The following HSD17B12 variants were observed in gnomAD, a reference collection of about 807,000 sequenced individuals.
The protein encoded by HSD17B12 is hydroxysteroid 17-beta dehydrogenase 12.
In HSD17B12, 32 loss-of-function variants were observed where a neutral mutation model predicts 39.3. The observed-to-expected ratio is 0.81, with a 90% CI of 0.61 to 1.09. HSD17B12 has a LOEUF of 1.09. Among genes scored for constraint, HSD17B12 ranks in the 50% least tolerant of loss-of-function variants. The pLI is 0.00. For missense variants in HSD17B12, 342 were observed against 382.9 expected, an observed-to-expected ratio of 0.89 and a Z score of 0.89; for synonymous variants, 150 against 146.7, an observed-to-expected ratio of 1.02 and a Z score of -0.16.
the HSD17B12 span, among the ~76,000 whole-genome samples, chr11:43,564,852 G>A: frequency 7.9e-5 from 12 of 151,978 alleles, no homozygotes; most frequent in Admixed American, 7.9e-4. Context: ...TAGAGATGAG[G>A]GATGAGGATT....
the HSD17B12 span, among the ~76,000 whole-genome samples, chr11:43,591,337 C>G: frequency 1.3e-5 from 2 of 152,070 alleles, no homozygotes; most frequent in African/African-American, 4.8e-5. Flanking sequence ...TTGTAAAACT[C>G]TCTAAATCGT....
chr11:43,832,119 A>C (rs538663105), intron 7 of HSD17B12, among the ~76,000 whole-genome samples: 1 of 152,134 alleles, frequency 6.6e-6, no homozygotes, highest in Admixed American at 6.6e-5. Flanking sequence ...AAATCTTCAA[A>C]CTGCCTATTG....
intron 1 of HSD17B12, among the ~76,000 whole-genome samples, chr11:43,698,252 A>G (rs1004519398): frequency 6.6e-6 from 1 of 152,126 alleles, no homozygotes; most frequent in African/African-American, 2.4e-5. Flanking sequence ...AGGCTTTGGG[A>G]AGAAAATAAT....
chr11:43,583,867 C>A, the HSD17B12 span, among the ~76,000 whole-genome samples: 10 of 152,104 alleles, frequency 6.6e-5, no homozygotes, highest in Non-Finnish European at 1.3e-4. Flanking sequence ...CTACTCCTTC[C>A]GGGGGTGTGA....
At chr11:43,654,616 C>T in the HSD17B12 span, among the ~76,000 whole-genome samples, 2 of 152,102 alleles carry the variant, frequency 1.3e-5, no homozygotes, top group Non-Finnish European at 2.9e-5. Flanking sequence ...CTACATATGG[C>T]TAGCCAGTTT....
chr11:43,748,344 G>A (rs1950430547), intron 1 of HSD17B12, among the ~76,000 whole-genome samples: 1 of 152,094 alleles, frequency 6.6e-6, no homozygotes, highest in Non-Finnish European at 1.5e-5. Flanking sequence ...ATAATCTTAA[G>A]CAAATTAACA....
the HSD17B12 span, among the ~76,000 whole-genome samples, chr11:43,668,685 T>G: frequency 6.6e-6 from 1 of 151,968 alleles, no homozygotes; most frequent in Non-Finnish European, 1.5e-5. Flanking sequence ...TGAATAGAAT[T>G]AAAGGTTTTT....
chr11:43,736,794 G>A (rs1460867548), intron 1 of HSD17B12, among the ~76,000 whole-genome samples: 1 of 152,126 alleles, frequency 6.6e-6, no homozygotes, highest in African/African-American at 2.4e-5. Context: ...TTAAATATGA[G>A]CTGGCGTGTG....
At chr11:43,780,161 G>A (rs1426640487) in intron 3 of HSD17B12, among the ~76,000 whole-genome samples, 4 of 151,988 alleles carry the variant, frequency 2.6e-5, no homozygotes, top group Non-Finnish European at 5.9e-5. Context: ...CATCTCATGT[G>A]TATGGTATTC....
the HSD17B12 span, among the ~76,000 whole-genome samples, chr11:43,669,576 G>T: frequency 6.6e-6 from 1 of 152,000 alleles, no homozygotes; most frequent in African/African-American, 2.4e-5. Flanking sequence ...GTGTTGGGAA[G>T]GGCCATGCCC....
intron 1 of HSD17B12, among the ~76,000 whole-genome samples, chr11:43,698,474 A>T (rs541595930): frequency 6.6e-6 from 1 of 152,342 alleles, no homozygotes; most frequent in Admixed American, 6.5e-5. Context: ...AGTGTATTCC[A>T]TGTAGCACAT....
At chr11:43,692,504 C>T (rs1949872057) in intron 1 of HSD17B12, among the ~76,000 whole-genome samples, 1 of 152,160 alleles carries the variant, frequency 6.6e-6, no homozygotes, top group Non-Finnish European at 1.5e-5. Flanking sequence ...TTACAGGGAA[C>T]TGAACACTCT....
Position 43,831,525 on chromosome 11 carries a change from T to A in HSD17B12, c.536+515T>A, listed in dbSNP as rs562596201. ...GCCCCATCTTTGTTCCAGTTTGAATTGGTTCTGCTAGTACATGCCGAATGT... is the reference window on the plus strand; with the variant it reads ...GCCCCATCTTTGTTCCAGTTTGAATAGGTTCTGCTAGTACATGCCGAATGT... On this transcript the variant is annotated intron_variant, in intron 7 of 10. Coordinates refer to ENST00000278353, the MANE Select transcript of HSD17B12 (RefSeq NM_016142.3). The surrounding 1 kb of genome is among the most constrained non-coding windows in gnomAD (Gnocchi z 4.1). 1 of 152,406 alleles carries A rather than the reference T, an allele frequency of 6.6e-6. No homozygotes were observed. Among genetic ancestry groups the A allele is most frequent in the South Asian group, 2.1e-4 (1 of 4,826 alleles). 9.4% of individuals were successfully genotyped at this position (152,406 alleles called of 1,614,324 possible). A position where few individuals can be genotyped will look rare whatever the true frequency, so the allele number is the denominator to read the frequency against.
At chr11:43,744,558 T>TA (rs897126926) in intron 1 of HSD17B12, among the ~76,000 whole-genome samples, 4 of 152,194 alleles carry the variant, frequency 2.6e-5, no homozygotes, top group African/African-American at 9.6e-5. Context: ...ATACACAATT[T>TA]AAAAAATGTT....
At chr11:43,818,188 C>G (rs1380846918) in intron 6 of HSD17B12, among the ~76,000 whole-genome samples, 2 of 152,118 alleles carry the variant, frequency 1.3e-5, no homozygotes, top group Non-Finnish European at 2.9e-5. Flanking sequence ...ATTTTGTCTT[C>G]CCCATGATTC....
upstream of HSD17B12, among the ~76,000 whole-genome samples, chr11:43,680,098 T>C (rs1357487627): frequency 2.0e-5 from 3 of 151,720 alleles, no homozygotes; most frequent in Admixed American, 6.6e-5. Flanking sequence ...TGTTTTGGGA[T>C]GGAGTCTCAC....
intron 6 of HSD17B12, among the ~76,000 whole-genome samples, chr11:43,817,130 T>A (rs558596096): frequency 4.0e-5 from 6 of 151,864 alleles, no homozygotes; most frequent in Non-Finnish European, 5.9e-5. Flanking sequence ...TTGTTGGCCA[T>A]TTGCATATTG....
intron 4 of HSD17B12, among the ~76,000 whole-genome samples, chr11:43,812,205 AT>A (rs562898975): frequency 8.3e-4 from 126 of 152,328 alleles, no homozygotes; most frequent in Non-Finnish European, 1.6e-3. Flanking sequence ...TCTATTTGAT[AT>A]ACTGATTTAT....
chr11:43,737,775 A>C (rs1950329499), intron 1 of HSD17B12, among the ~76,000 whole-genome samples: 1 of 152,186 alleles, frequency 6.6e-6, no homozygotes, highest in African/African-American at 2.4e-5. Flanking sequence ...CTTAGAGACA[A>C]GAATAGTGAA....
Sources: allele counts gnomAD v4.1 joint callset (sites outside exome capture counted in the v4.1 genomes callset), GRCh38; gene constraint gnomAD v4.1.1; non-coding constraint Gnocchi (gnomAD v3.1); transcripts MANE v1.5; gene names NCBI Gene and HGNC (gene_info 2026-07-23, HGNC 2026-07-21).